Variants in NEGR1 observed in about 807,000 individuals in gnomAD.
NEGR1 encodes neuronal growth regulator 1.
A neutral mutation model predicts 40.9 loss-of-function variants in NEGR1; 10 were observed. The ratio of observed to expected loss-of-function variants is 0.24; its 90% confidence interval spans 0.15 to 0.42. NEGR1 has a LOEUF of 0.42. Among genes scored for constraint, NEGR1 ranks in the 10% least tolerant of loss-of-function variants. The pLI is 1.00. For missense variants in NEGR1, 352 were observed against 438.9 expected (o/e 0.80, Z 1.77); for synonymous variants, 185 against 166.8 (o/e 1.11, Z -0.84).
intron 1 of NEGR1, among the ~76,000 whole-genome samples, chr1:72,140,057 G>A (rs1419886019): frequency 6.6e-6 from 1 of 151,940 alleles, no homozygotes; most frequent in African/African-American, 2.4e-5. Flanking sequence ...AAATGGTCAG[G>A]TCATTTTGAG....
chr1:71,749,689 T>C (rs1461193171), intron 3 of NEGR1, among the ~76,000 whole-genome samples: 3 of 152,188 alleles, frequency 2.0e-5, no homozygotes, highest in South Asian at 2.1e-4. Flanking sequence ...TCATGGAACT[T>C]GATCAGATAG....
intron 2 of NEGR1, among the ~76,000 whole-genome samples, chr1:71,867,080 C>A (rs1452697982): frequency 6.6e-6 from 1 of 152,226 alleles, no homozygotes; most frequent in Non-Finnish European, 1.5e-5. Flanking sequence ...TGGCCGGGTA[C>A]TGTGGCTCAC....
At chr1:71,939,278 C>G (rs1434022362) in intron 1 of NEGR1, among the ~76,000 whole-genome samples, 1 of 152,164 alleles carries the variant, frequency 6.6e-6, no homozygotes, top group African/African-American at 2.4e-5. Context: ...TTCCCACACT[C>G]CCTTTATACA....
chr1:72,040,008 T>A (rs909633813), intron 1 of NEGR1, among the ~76,000 whole-genome samples: 1 of 151,936 alleles, frequency 6.6e-6, no homozygotes, highest in Non-Finnish European at 1.5e-5. Context: ...TGATAAAAAA[T>A]ACGTGTCTAA....
At position 71,790,287 on chromosome 1, in the gene NEGR1, T is replaced by C. The variant is rs893583988; in HGVS notation, c.410-13990A>G. 7.2e-5 allele frequency among the ~76,000 whole-genome samples: 11 copies of C among 152,144 alleles called. No homozygotes were observed. The East Asian group carries it at 9.6e-4, about 13-fold the overall frequency. ...GAAGCAGAATGTCAGCAGTGCTCAA[T>C]AATAATCTGTATTTGGCTGTTTTGT... On this transcript the variant is annotated intron_variant, in intron 2 of 6. Transcript: ENST00000357731.
intron 1 of NEGR1, among the ~76,000 whole-genome samples, chr1:72,024,282 T>C (rs1646787765): frequency 6.6e-6 from 1 of 152,072 alleles, no homozygotes; most frequent in Non-Finnish European, 1.5e-5. Context: ...AATTGAAAAG[T>C]CTATAATATA....
At chr1:71,935,459 T>C (rs1387328596) in intron 1 of NEGR1, 148 bp from the exon 2 acceptor site, 8 of 627,712 alleles carry the variant, frequency 1.3e-5, no homozygotes, top group Admixed American at 2.8e-5. Flanking sequence ...ATGAACATAC[T>C]GATGCATCTT....
intron 4 of NEGR1, among the ~76,000 whole-genome samples, chr1:71,695,281 T>C (rs1032240785): frequency 3.3e-5 from 5 of 151,718 alleles, no homozygotes; most frequent in Non-Finnish European, 7.4e-5. Flanking sequence ...TCATGGAACA[T>C]TTGGAAAAGG....
In NEGR1 at chr1:71,801,203, C is replaced by T. The variant is rs144894372; in HGVS notation, c.410-24906G>A. 1.5e-4 allele frequency among the ~76,000 whole-genome samples: 23 copies of T among 152,314 alleles called. No individual in the cohort carries two copies. In the East Asian group the frequency reaches 3.3e-3, roughly 22 times the overall value. On this transcript the variant is annotated intron_variant, in intron 2 of 6. Coordinates refer to ENST00000357731, the MANE Select transcript of NEGR1 (RefSeq NM_173808.3). ...GTTTTCTACTAACCTTTACTGGCCT[C>T]TCTTTGCCAGTCAGCTCTGATGGTT... is the stretch of plus-strand genomic sequence containing the variant.
chr1:71,675,112 C>CATATATATATATATATAT (rs1553157758), intron 4 of NEGR1, among the ~76,000 whole-genome samples: 470 of 45,192 alleles, frequency 0.01, 40 homozygotes, highest in Middle Eastern at 0.033. Context: ...CATGTTTATT[C>CATATATATATATATATAT]ATATATATAT....
intron 1 of NEGR1, among the ~76,000 whole-genome samples, chr1:72,206,688 A>G (rs1226085723): frequency 3.9e-5 from 6 of 152,242 alleles, no homozygotes; most frequent in East Asian, 1.9e-4. Flanking sequence ...GTTTCATTTT[A>G]TGACCTCAAG....
intron 6 of NEGR1, among the ~76,000 whole-genome samples, chr1:71,522,707 T>C (rs897083241): frequency 6.9e-6 from 1 of 144,548 alleles, no homozygotes; most frequent in African/African-American, 2.5e-5. Flanking sequence ...ATGCTGCTAT[T>C]TTCCTCCCCT....
At chr1:72,120,665 T>G (rs181274620) in intron 1 of NEGR1, among the ~76,000 whole-genome samples, 1,738 of 151,744 alleles carry the variant, frequency 0.011, 28 homozygotes, top group African/African-American at 0.04. Flanking sequence ...CCCCACTACC[T>G]CCACCCCACA....
intron 3 of NEGR1, among the ~76,000 whole-genome samples, chr1:71,774,946 A>G (rs1656451472): frequency 2.0e-5 from 3 of 152,174 alleles, no homozygotes; most frequent in Admixed American, 2.0e-4. Flanking sequence ...CTGGAAATCT[A>G]TAAACATGTT....
intron 6 of NEGR1, among the ~76,000 whole-genome samples, chr1:71,568,578 GGTAAATAA>G (rs1648696265): frequency 6.6e-6 from 1 of 151,386 alleles, no homozygotes; most frequent in South Asian, 2.1e-4. Context: ...AATTTCCAGT[GGTAAATAA>G]CAACAAAAAA....
intron 6 of NEGR1, among the ~76,000 whole-genome samples, chr1:71,490,669 T>C (rs1203984906): frequency 1.3e-5 from 2 of 151,974 alleles, no homozygotes; most frequent in Non-Finnish European, 2.9e-5. Flanking sequence ...AAGGGAAGAC[T>C]GCTGAGGATT....
chr1:71,590,995 A>G (rs932062657), intron 6 of NEGR1, among the ~76,000 whole-genome samples: 3 of 152,160 alleles, frequency 2.0e-5, no homozygotes, highest in African/African-American at 7.2e-5. Flanking sequence ...AGAACTTATA[A>G]TTTGATGGAG....
At chr1:72,091,898 CGTGTGT>C (rs150316693) in intron 1 of NEGR1, among the ~76,000 whole-genome samples, 4 of 151,054 alleles carry the variant, frequency 2.6e-5, no homozygotes, top group African/African-American at 9.7e-5. Context: ...CCTCACATAA[CGTGTGT>C]GTGTGTGTGT....
chr1:72,076,890 CTTTTTTTTT>C (rs56943357), intron 1 of NEGR1, among the ~76,000 whole-genome samples: 1 of 101,690 alleles, frequency 9.8e-6, no homozygotes, highest in Non-Finnish European at 1.8e-5. Context: ...CTCATTTATC[CTTTTTTTTT>C]TTTTTTTTTT....
Sources: allele counts gnomAD v4.1 joint callset (sites outside exome capture counted in the v4.1 genomes callset), GRCh38; gene constraint gnomAD v4.1.1; transcripts MANE v1.5; gene names NCBI Gene and HGNC (gene_info 2026-07-23, HGNC 2026-07-21).